The following HSPBAP1 variants were observed in gnomAD, a reference collection of about 807,000 sequenced individuals.
HSPBAP1 encodes the protein HSPB1-associated protein 1.
In HSPBAP1, 27 loss-of-function variants were observed where a neutral mutation model predicts 45.2. That is an observed-to-expected ratio of 0.60 (90% CI 0.44 to 0.82). HSPBAP1 has a LOEUF of 0.82. Among genes scored for constraint, HSPBAP1 ranks in the 40% least tolerant of loss-of-function variants. The probability of loss-of-function intolerance (pLI) is 0.00; values close to 1 mark genes in which losing one functional copy is unlikely to be tolerated. For missense variants in HSPBAP1, 510 were observed against 590.9 expected, an observed-to-expected ratio of 0.86 and a Z score of 1.42; for synonymous variants, 204 against 202.7, an observed-to-expected ratio of 1.01 and a Z score of -0.06.
chr3:122,788,631 T>G (rs1935725753), intron 1 of HSPBAP1, among the ~76,000 whole-genome samples: 1 of 152,222 alleles, frequency 6.6e-6, no homozygotes, highest in Non-Finnish European at 1.5e-5. Flanking sequence ...AAGGAAATTC[T>G]ATCATATACT....
At chr3:122,740,919 G>A in intron 7 of HSPBAP1, 44 bp from the exon 8 acceptor site, 1 of 1,609,086 alleles carries the variant, frequency 6.2e-7, no homozygotes, top group Non-Finnish European at 8.5e-7. Context: ...CATACATTTA[G>A]TTACACTGGA....
At chr3:122,773,303 GTTTTTTTTT>G (rs36065763) in intron 2 of HSPBAP1, among the ~76,000 whole-genome samples, 2 of 84,424 alleles carry the variant, frequency 2.4e-5, no homozygotes, top group Admixed American at 1.6e-4. Flanking sequence ...AAATAAATGT[GTTTTTTTTT>G]TTTTTTTTTT....
intron 1 of HSPBAP1, among the ~76,000 whole-genome samples, chr3:122,787,918 C>T (rs1311247676): frequency 6.6e-6 from 1 of 152,176 alleles, no homozygotes; most frequent in African/African-American, 2.4e-5. Flanking sequence ...TAAGAAAATT[C>T]TCCTGAAAGG....
intron 1 of HSPBAP1, among the ~76,000 whole-genome samples, chr3:122,787,442 G>A (rs911474758): frequency 6.6e-6 from 1 of 152,054 alleles, no homozygotes; most frequent in Admixed American, 6.6e-5. Context: ...AGGACACTCC[G>A]AATATTAACA....
chr3:122,780,424 A>G (rs1387803957), intron 1 of HSPBAP1, among the ~76,000 whole-genome samples: 6 of 94,842 alleles, frequency 6.3e-5, no homozygotes, highest in African/African-American at 1.2e-4. Flanking sequence ...CTGGCCGGGC[A>G]GAGGGGCTCC....
chr3:122,782,769 A>G (rs1935529883), intron 1 of HSPBAP1, among the ~76,000 whole-genome samples: 2 of 152,218 alleles, frequency 1.3e-5, no homozygotes, highest in Non-Finnish European at 2.9e-5. Context: ...AATAATCCAA[A>G]TTCTTCTATC....
chr3:122,742,365 A>G (rs1212936032), intron 6 of HSPBAP1, among the ~76,000 whole-genome samples: 2 of 152,182 alleles, frequency 1.3e-5, no homozygotes, highest in African/African-American at 4.8e-5. Context: ...CCATGATGAG[A>G]TATGACTTCA....
At chr3:122,790,103 T>TGG (rs1935777750) in intron 1 of HSPBAP1, among the ~76,000 whole-genome samples, 1 of 152,166 alleles carries the variant, frequency 6.6e-6, no homozygotes, top group Non-Finnish European at 1.5e-5. Flanking sequence ...GCTCAAGCGA[T>TGG]CTGCCTGCCT....
intron 6 of HSPBAP1, among the ~76,000 whole-genome samples, chr3:122,748,433 G>C (rs931640487): frequency 1.3e-5 from 2 of 151,088 alleles, no homozygotes; most frequent in Middle Eastern, 6.8e-3. Flanking sequence ...ATATCCTAGT[G>C]AAAAACTTCC....
intron 3 of HSPBAP1, among the ~76,000 whole-genome samples, chr3:122,763,266 G>A (rs7646980): frequency 0.096 from 14,633 of 152,226 alleles, 959 homozygotes; most frequent in African/African-American, 0.18. Flanking sequence ...GATCAGTGGT[G>A]TCTGAGAATG....
chr3:122,774,781 G>A (rs1191265844), intron 2 of HSPBAP1, among the ~76,000 whole-genome samples: 2 of 152,144 alleles, frequency 1.3e-5, no homozygotes, highest in African/African-American at 4.8e-5. Context: ...TATTTAGGAT[G>A]TAAGTCACTG....
At chr3:122,764,762 A>C (rs1318726440) in intron 3 of HSPBAP1, among the ~76,000 whole-genome samples, 1 of 152,240 alleles carries the variant, frequency 6.6e-6, no homozygotes, top group African/African-American at 2.4e-5. Context: ...CAGACTCATT[A>C]GGTAAGAATG....
Position 122,771,624 on chromosome 3 carries a change from C to T in HSPBAP1, c.251-2742G>A, listed in dbSNP as rs556104450. On this transcript the variant is annotated intron_variant, in intron 2 of 7. Transcript: ENST00000306103. Reference sequence around the variant, plus strand: ...ACAGGTCTTTCGATCACTCTATCCCCCTGCTTTCAGATGTTCAGGGTTATT... The same window carrying T: ...ACAGGTCTTTCGATCACTCTATCCCTCTGCTTTCAGATGTTCAGGGTTATT... 3.9e-5 allele frequency among the ~76,000 whole-genome samples: 6 copies of T among 152,306 alleles called. No homozygotes were observed. In the South Asian group the frequency reaches 8.3e-4, roughly 21 times the overall value.
intron 2 of HSPBAP1, among the ~76,000 whole-genome samples, chr3:122,775,995 G>T (rs1286667093): frequency 1.3e-5 from 2 of 152,160 alleles, no homozygotes; most frequent in Non-Finnish European, 2.9e-5. Context: ...CATACTAAAT[G>T]AAAGAAGCCA....
intron 1 of HSPBAP1, among the ~76,000 whole-genome samples, chr3:122,782,671 A>G (rs560596629): frequency 1.2e-3 from 185 of 152,342 alleles, no homozygotes; most frequent in African/African-American, 4.2e-3. Flanking sequence ...ATATATATTT[A>G]TGATTCTCAA....
At chr3:122,791,627 T>TG (rs1392444414) in intron 1 of HSPBAP1, among the ~76,000 whole-genome samples, 1 of 152,128 alleles carries the variant, frequency 6.6e-6, no homozygotes, top group Non-Finnish European at 1.5e-5. Flanking sequence ...CATCTAGGGT[T>TG]GGGGGGTGCA....
In HSPBAP1 at chr3:122,769,933, G is replaced by A. The variant is rs576769042; in HGVS notation, c.251-1051C>T. On this transcript the variant is annotated intron_variant, in intron 2 of 7. Transcript: ENST00000306103. Reference sequence around the variant, plus strand: ...TGCCCTCAAGTGATCTGCCCACCTGGGCCTCAAAGTGCTGGGATTACAGGT... The same window carrying A: ...TGCCCTCAAGTGATCTGCCCACCTGAGCCTCAAAGTGCTGGGATTACAGGT... Among the ~76,000 whole-genome samples, 135 of 152,276 alleles carry A rather than the reference G, an allele frequency of 8.9e-4. No individual in the cohort carries two copies. The South Asian group carries it at 0.013, about 15-fold the overall frequency.
intron 5 of HSPBAP1, chr3:122,753,415 C>T: frequency 1.0e-6 from 1 of 977,710 alleles, no homozygotes; most frequent in Non-Finnish European, 1.2e-6. Context: ...CTGGTAGGCA[C>T]TAGGAGTTGT....
chr3:122,756,078 C>G (rs559416765), intron 4 of HSPBAP1, among the ~76,000 whole-genome samples: 1 of 152,216 alleles, frequency 6.6e-6, no homozygotes, highest in Non-Finnish European at 1.5e-5. Context: ...CTAGACACTC[C>G]TATGCTTTAT....
Sources: gnomAD v4.1 joint callset for allele counts (sites outside exome capture counted in the v4.1 genomes callset) on GRCh38, gnomAD v4.1.1 for gene constraint, MANE v1.5 for transcripts, NCBI Gene and HGNC (gene_info 2026-07-23, HGNC 2026-07-21) for gene names.